The following LYRM4 variants were observed in gnomAD, a reference collection of about 807,000 sequenced individuals.
LYRM4 encodes the protein LYR motif containing 4, also known as LYR motif-containing protein 4.
A neutral mutation model predicts 11.7 loss-of-function variants in LYRM4; 9 were observed. That is an observed-to-expected ratio of 0.77 (90% CI 0.46 to 1.34). The LOEUF is 1.34. Ranked by LOEUF, LYRM4 falls within the 40% of genes most tolerant of loss-of-function variation. The pLI, the probability that LYRM4 is intolerant of heterozygous loss-of-function variation, is 0.00. For synonymous variants in LYRM4, 42 were observed against 40.4 expected (o/e 1.04, Z -0.15); for missense variants, 133 against 112.5 (o/e 1.18, Z -0.82).
At chr6:5,144,465 G>A (rs758261701) in intron 2 of LYRM4, among the ~76,000 whole-genome samples, 5 of 151,620 alleles carry the variant, frequency 3.3e-5, no homozygotes, top group South Asian at 2.1e-4. Flanking sequence ...GTGAATCCCC[G>A]TCTCTACTAA....
chr6:5,219,162 T>G (rs1762442425), intron 1 of LYRM4, among the ~76,000 whole-genome samples: 1 of 152,140 alleles, frequency 6.6e-6, no homozygotes, highest in South Asian at 2.1e-4. Flanking sequence ...TAGCTTAGAA[T>G]AGCTAGGAAA....
At chr6:5,178,444 C>G (rs1005821534) in intron 2 of LYRM4, among the ~76,000 whole-genome samples, 12 of 131,426 alleles carry the variant, frequency 9.1e-5, no homozygotes, top group Admixed American at 1.5e-4. Flanking sequence ...GGATTCATAA[C>G]TCTTTTTTTT....
At chr6:5,149,678 G>T (rs1004149121) in intron 2 of LYRM4, among the ~76,000 whole-genome samples, 7 of 151,990 alleles carry the variant, frequency 4.6e-5, no homozygotes, top group Non-Finnish European at 1.0e-4. Context: ...ATATCAGAGG[G>T]CTTCTTATAA....
At chr6:5,201,974 C>T (rs74970614) in intron 2 of LYRM4, among the ~76,000 whole-genome samples, 1,753 of 152,214 alleles carry the variant, frequency 0.012, 32 homozygotes, top group African/African-American at 0.04. Context: ...TCCTCATCTG[C>T]AAAATAAGGA....
Position 5,185,620 on chromosome 6 carries a change from G to C in LYRM4, c.207+30998C>G, listed in dbSNP as rs1046533178. 3.9e-5 allele frequency among the ~76,000 whole-genome samples: 6 copies of C among 152,122 alleles called. 1 individual carries two copies. The highest frequency in any genetic ancestry group is 2.1e-4 in the South Asian group (1 of 4,828). ...AGCAACCCCACAGTCCAGGAGGAGA[G>C]ACAAGCCCATAAGGAGGCTGAGGAA... On this transcript the variant is annotated intron_variant, in intron 2 of 2. Transcript: ENST00000330636.
intron 2 of LYRM4, among the ~76,000 whole-genome samples, chr6:5,193,606 A>G (rs760484936): frequency 2.0e-5 from 3 of 152,156 alleles, no homozygotes; most frequent in African/African-American, 4.8e-5. Flanking sequence ...CTAGTTAATC[A>G]GAAGTGCTAA....
At chr6:5,163,465 C>G (rs1015613347) in intron 2 of LYRM4, among the ~76,000 whole-genome samples, 1 of 151,750 alleles carries the variant, frequency 6.6e-6, no homozygotes, top group African/African-American at 2.4e-5. Context: ...AGCTTTAGAA[C>G]AGGCTTGGCA....
chr6:5,256,491 GAAAAAAAAAAAAAAAAAAAAAAAAA>G (rs1161084364), intron 1 of LYRM4, among the ~76,000 whole-genome samples: 2 of 43,860 alleles, frequency 4.6e-5, no homozygotes, highest in Admixed American at 3.4e-4. Context: ...ATTTCAACTG[GAAAAAAAAAAAAAAAAAAAAAAAAA>G]AAAAAAAAAA....
At chr6:5,144,113 GTGACC>G (rs1366818040) in intron 2 of LYRM4, 21 of 1,535,482 alleles carry the variant, frequency 1.4e-5, no homozygotes, top group Non-Finnish European at 1.8e-5. Flanking sequence ...CTGATCTGAT[GTGACC>G]ACATAGTCAG....
At chr6:5,173,664 T>G (rs570784063) in intron 2 of LYRM4, among the ~76,000 whole-genome samples, 77 of 152,370 alleles carry the variant, frequency 5.1e-4, no homozygotes, top group African/African-American at 1.9e-3. Flanking sequence ...TTCAACTTTT[T>G]TCATTTACAA....
At chr6:5,145,984 A>G (rs1462655061) in intron 2 of LYRM4, among the ~76,000 whole-genome samples, 1 of 152,178 alleles carries the variant, frequency 6.6e-6, no homozygotes, top group Non-Finnish European at 1.5e-5. Context: ...TGCCTCTACG[A>G]TCAACTCTGC....
chr6:5,050,452 TTAC>T, the LYRM4 span, among the ~76,000 whole-genome samples: 8 of 152,228 alleles, frequency 5.3e-5, 1 homozygote, highest in South Asian at 1.7e-3. Context: ...ATTTGCACTT[TTAC>T]AATCCTCATC....
At chr6:5,168,322 A>G (rs557302958) in intron 2 of LYRM4, among the ~76,000 whole-genome samples, 4 of 152,330 alleles carry the variant, frequency 2.6e-5, no homozygotes, top group African/African-American at 9.6e-5. Context: ...ATTACTTGTT[A>G]ATGACAAGGA....
In LYRM4 at chr6:5,240,490, A is replaced by G. The variant is rs182296342; in HGVS notation, c.86+20158T>C. 5.3e-5 allele frequency: 8 copies of G among 150,912 alleles called. No homozygotes were observed. In the East Asian group the frequency reaches 1.6e-3, roughly 30 times the overall value. 9.3% of individuals were successfully genotyped at this position (150,912 alleles called of 1,614,324 possible). On this transcript the variant is annotated intron_variant, in intron 1 of 2. Coordinates refer to ENST00000330636, the MANE Select transcript of LYRM4 (RefSeq NM_020408.6). ...TGGGAGAAATATCTATTAAAATACCAACTGTGAAATGACAGTTGTTAAGTA... is the reference window on the plus strand; with the variant it reads ...TGGGAGAAATATCTATTAAAATACCGACTGTGAAATGACAGTTGTTAAGTA...
the LYRM4 span, among the ~76,000 whole-genome samples, chr6:5,078,363 T>C: frequency 6.6e-6 from 1 of 152,100 alleles, no homozygotes; most frequent in Non-Finnish European, 1.5e-5. Flanking sequence ...CTCAGCAGTT[T>C]GCTACCTGGG....
intron 2 of LYRM4, among the ~76,000 whole-genome samples, chr6:5,143,421 G>A (rs1180665603): frequency 2.0e-5 from 3 of 152,170 alleles, no homozygotes; most frequent in African/African-American, 4.8e-5. Context: ...TTTCCTTAGC[G>A]TAATATATTG....
intron 2 of LYRM4, among the ~76,000 whole-genome samples, chr6:5,189,483 C>T (rs768167252): frequency 1.4e-4 from 22 of 152,158 alleles, no homozygotes; most frequent in Non-Finnish European, 2.6e-4. Context: ...TCTGTGACTT[C>T]AAGAGTTTAC....
intron 1 of LYRM4, among the ~76,000 whole-genome samples, chr6:5,217,487 C>T (rs1365199221): frequency 1.3e-5 from 2 of 152,206 alleles, no homozygotes; most frequent in African/African-American, 2.4e-5. Flanking sequence ...CTTGGGCAAG[C>T]TTCTTAACAC....
In LYRM4 at chr6:5,187,006, T is replaced by C. The variant is rs865906537; in HGVS notation, c.207+29612A>G. On this transcript the variant is annotated intron_variant, in intron 2 of 2. Transcript: ENST00000330636. ...CTTAAAAAAAAAAAAAAATTGTCTA[T>C]AAAAGAATAGTAAATGGGGCCCCAA... is the stretch of plus-strand genomic sequence containing the variant. 12 of 932,252 alleles carry C rather than the reference T, an allele frequency of 1.3e-5. No individual in the cohort carries two copies. The Middle Eastern group carries it at 2.4e-3, about 185-fold the overall frequency. 57.7% of individuals were successfully genotyped at this position (932,252 alleles called of 1,614,324 possible).
Sources: allele counts gnomAD v4.1 joint callset (sites outside exome capture counted in the v4.1 genomes callset), GRCh38; gene constraint gnomAD v4.1.1; transcripts MANE v1.5; gene names NCBI Gene and HGNC (gene_info 2026-07-23, HGNC 2026-07-21).